The following GRM7 variants were observed in gnomAD, a reference collection of about 807,000 sequenced individuals.
The protein encoded by GRM7 is glutamate metabotropic receptor 7, also known as metabotropic glutamate receptor 7.
In GRM7, 35 loss-of-function variants were observed where a neutral mutation model predicts 84.5. That is an observed-to-expected ratio of 0.41 (90% CI 0.32 to 0.55). The LOEUF is 0.55. Ranked by LOEUF, GRM7 falls within the 20% of genes least tolerant of loss-of-function variation. The pLI is 0.19. For missense variants in GRM7, 1,003 were observed against 1,194.6 expected (o/e 0.84, Z 2.36); for synonymous variants, 487 against 455.1 (o/e 1.07, Z -0.89).
chr3:7,580,728 T>A (rs1052831815), intron 8 of GRM7, among the ~76,000 whole-genome samples: 17 of 152,202 alleles, frequency 1.1e-4, no homozygotes, highest in Non-Finnish European at 2.5e-4. Context: ...TAGAGAAAGT[T>A]CTTCTAAAAT....
chr3:7,533,402 T>C (rs1559385244), intron 7 of GRM7, among the ~76,000 whole-genome samples: 1 of 152,114 alleles, frequency 6.6e-6, no homozygotes, highest in Non-Finnish European at 1.5e-5. Context: ...GACTACTGGG[T>C]AAATAATGAA....
At chr3:7,462,979 A>G (rs1353739714) in intron 7 of GRM7, among the ~76,000 whole-genome samples, 1 of 151,118 alleles carries the variant, frequency 6.6e-6, no homozygotes, top group Non-Finnish European at 1.5e-5. Context: ...AACACAAACA[A>G]AAACCTAAAA....
chr3:6,923,856 G>A (rs946061004), intron 1 of GRM7, among the ~76,000 whole-genome samples: 1 of 152,160 alleles, frequency 6.6e-6, no homozygotes, highest in Non-Finnish European at 1.5e-5. Context: ...CACATATCAT[G>A]TCTTTGAGTG....
chr3:7,269,820 T>C (rs1698786854), intron 2 of GRM7, among the ~76,000 whole-genome samples: 1 of 152,218 alleles, frequency 6.6e-6, no homozygotes, highest in Non-Finnish European at 1.5e-5. Context: ...GTCTCACTCT[T>C]TGACTCTGAG....
At chr3:7,449,311 A>C (rs1404298177) in intron 5 of GRM7, among the ~76,000 whole-genome samples, 1 of 152,148 alleles carries the variant, frequency 6.6e-6, no homozygotes, top group Non-Finnish European at 1.5e-5. Context: ...AACTTTAAAC[A>C]CTATTGAGAG....
chr3:7,693,342 AC>A (rs1700883389), intron 9 of GRM7, among the ~76,000 whole-genome samples: 1 of 152,140 alleles, frequency 6.6e-6, no homozygotes, highest in African/African-American at 2.4e-5. Context: ...ATTTCCTGGA[AC>A]AAAAATGTGA....
chr3:6,962,865 A>C (rs991430567), intron 1 of GRM7, among the ~76,000 whole-genome samples: 3 of 152,238 alleles, frequency 2.0e-5, no homozygotes, highest in Admixed American at 2.0e-4. Context: ...CTTAAAAAAG[A>C]AAAGGAACAA....
intron 1 of GRM7, among the ~76,000 whole-genome samples, chr3:6,874,921 C>A (rs903378521): frequency 1.3e-5 from 2 of 152,152 alleles, no homozygotes; most frequent in African/African-American, 4.8e-5. Flanking sequence ...CTGTTAGTTA[C>A]CTTGACCTCT....
At chr3:7,726,613 C>CTATATATATA (rs56250356) in intron 9 of GRM7, among the ~76,000 whole-genome samples, 83 of 58,068 alleles carry the variant, frequency 1.4e-3, no homozygotes, top group Admixed American at 2.1e-3. Flanking sequence ...CTCTCTCCCT[C>CTATATATATA]TATATATATA....
At chr3:7,576,284 A>G (rs1694960590) in intron 7 of GRM7, among the ~76,000 whole-genome samples, 2 of 152,230 alleles carry the variant, frequency 1.3e-5, no homozygotes, top group African/African-American at 2.4e-5. Flanking sequence ...TGTCTCAAAA[A>G]TGATGATACT....
intron 3 of GRM7, 98 bp downstream of exon 3, chr3:7,298,923 T>C (rs1346826398): frequency 9.0e-7 from 1 of 1,111,312 alleles, no homozygotes; most frequent in Non-Finnish European, 1.3e-6. Context: ...TAGCATAAGA[T>C]CAAAGCTGTA....
chr3:7,147,210 A>G lies in GRM7; in HGVS notation c.736+542A>G, dbSNP rs191969193. 1.5e-3 allele frequency among the ~76,000 whole-genome samples: 225 copies of G among 152,340 alleles called. 1 individual carries two copies. The highest frequency in any genetic ancestry group is 4.8e-3 in the African/African-American group (200 of 41,586). On this transcript the variant is annotated intron_variant, in intron 2 of 9. Transcript: ENST00000357716. ...AGATTATTTTGAGAGAGTTCTCTTCAGCAGCCCTTGGAGAGGATTCTCTTA... is the reference window on the plus strand; with the variant it reads ...AGATTATTTTGAGAGAGTTCTCTTCGGCAGCCCTTGGAGAGGATTCTCTTA...
At chr3:7,400,437 G>A (rs1402021241) in intron 4 of GRM7, among the ~76,000 whole-genome samples, 1 of 152,042 alleles carries the variant, frequency 6.6e-6, no homozygotes, top group Non-Finnish European at 1.5e-5. Flanking sequence ...TCTTTATACG[G>A]CAGACCCTCT....
At chr3:7,101,686 T>C (rs928752670) in intron 1 of GRM7, among the ~76,000 whole-genome samples, 4 of 150,664 alleles carry the variant, frequency 2.7e-5, no homozygotes, top group Admixed American at 1.3e-4. Flanking sequence ...ACTGTTTTCA[T>C]GGCCTTTGAC....
chr3:7,593,675 G>A (rs760710269), intron 8 of GRM7, among the ~76,000 whole-genome samples: 1 of 152,122 alleles, frequency 6.6e-6, no homozygotes, highest in Admixed American at 6.5e-5. Context: ...AGAAACAGAC[G>A]CTGGAGTGTA....
intron 1 of GRM7, among the ~76,000 whole-genome samples, chr3:7,019,671 C>T (rs1304437251): frequency 3.3e-5 from 5 of 152,168 alleles, no homozygotes; most frequent in African/African-American, 1.2e-4. Context: ...TAGCCAAAGC[C>T]AGTCATGTGA....
chr3:6,946,182 T>C (rs1698073242), intron 1 of GRM7, among the ~76,000 whole-genome samples: 1 of 152,250 alleles, frequency 6.6e-6, no homozygotes. Context: ...CTAGGGTTTT[T>C]ATGGTTTTAG....
chr3:6,879,882 G>T (rs1399122043), intron 1 of GRM7, among the ~76,000 whole-genome samples: 1 of 152,174 alleles, frequency 6.6e-6, no homozygotes, highest in East Asian at 1.9e-4. Flanking sequence ...GAGGGACTAG[G>T]TTCTCTTATC....
At chr3:7,264,236 C>T (rs967554214) in intron 2 of GRM7, among the ~76,000 whole-genome samples, 9 of 152,224 alleles carry the variant, frequency 5.9e-5, no homozygotes, top group African/African-American at 1.7e-4. Flanking sequence ...AATTCAGATC[C>T]GACACTTTCT....
Sources: gnomAD v4.1 joint callset for allele counts (sites outside exome capture counted in the v4.1 genomes callset) on GRCh38, gnomAD v4.1.1 for gene constraint, MANE v1.5 for transcripts, NCBI Gene and HGNC (gene_info 2026-07-23, HGNC 2026-07-21) for gene names.